Variants in OR10A3 observed in about 807,000 individuals in gnomAD.
OR10A3 encodes olfactory receptor family 10 subfamily A member 3, also known as olfactory receptor 10A3.
Under a neutral mutation model 1.5 loss-of-function variants are expected in OR10A3, and 1 was observed. That is an observed-to-expected ratio of 0.66 (90% CI 0.23 to 3.11). OR10A3 has a LOEUF of 3.11. OR10A3 is among the 30% of genes most tolerant of loss of function. The pLI is 0.21. For missense variants in OR10A3, 398 were observed against 369.7 expected (o/e 1.08, Z -0.63); for synonymous variants, 145 against 143.7 (o/e 1.01, Z -0.06).
In OR10A3 at chr11:7,938,392, A is replaced by G; in HGVS notation, c.*184T>C. ...GATGAATAAACTGTTGTGTCATGTT[A>G]TGAGAACATATGTATCTACTAAAAA... is the stretch of plus-strand genomic sequence containing the variant. On this transcript the variant is annotated 3_prime_UTR_variant, in exon 2 of 2. Transcript: ENST00000642047. 1.8e-6 allele frequency: 1 copy of G among 556,790 alleles called. No homozygotes were observed. The highest frequency in any genetic ancestry group is 1.9e-5 in the African/African-American group (1 of 53,152). The allele number at this position is 556,790 out of a possible 1,614,324, so 34.5% of individuals were successfully genotyped here.
chr11:7,940,861 A>G (rs1282287389), intron 1 of OR10A3, among the ~76,000 whole-genome samples: 6 of 152,116 alleles, frequency 3.9e-5, no homozygotes, highest in Non-Finnish European at 5.9e-5. Context: ...TCCAAACTGG[A>G]CTTTGTGTGA....
In OR10A3 at chr11:7,939,587, A is replaced by G; in HGVS notation, c.-67T>C. The G allele has an allele frequency of 8.1e-7, 1 of 1,242,046 alleles. No individual in the cohort carries two copies. The highest frequency in any genetic ancestry group is 1.1e-6 in the Non-Finnish European group (1 of 900,546). The allele number at this position is 1,242,046 out of a possible 1,614,324, so 76.9% of individuals were successfully genotyped here. ...ATCGAGTATGAAGTCGTAATCCCAT[A>G]GCTGTGAGTTCAAGTCTGGAATTCT... On this transcript the variant is annotated 5_prime_UTR_variant, in exon 2 of 2. Coordinates refer to ENST00000642047, the MANE Select transcript of OR10A3 (RefSeq NM_001003745.2).
Position 7,938,478 on chromosome 11 carries a change from A to G in OR10A3, c.*98T>C. 4.4e-6 allele frequency: 4 copies of G among 908,326 alleles called. No homozygotes were observed. The highest frequency in any genetic ancestry group is 5.0e-6 in the Non-Finnish European group (3 of 605,288). 56.3% of individuals were successfully genotyped at this position (908,326 alleles called of 1,614,324 possible). A position where few individuals can be genotyped will look rare whatever the true frequency, so the allele number is the denominator to read the frequency against. ...CAATAAAAAAACTCAACAAACTTAC[A>G]TAGTCATACAAAAAATGCAGTCTGT... On this transcript the variant is annotated 3_prime_UTR_variant, in exon 2 of 2. Coordinates refer to ENST00000642047, the MANE Select transcript of OR10A3 (RefSeq NM_001003745.2).
Position 7,939,248 on chromosome 11 carries a change from C to T in OR10A3, c.273G>A (p.Met91Ile). 2 of 1,614,214 alleles carry T rather than the reference C, an allele frequency of 1.2e-6. No homozygotes were observed. The highest frequency in any genetic ancestry group is 2.2e-5 in the South Asian group (2 of 91,088). ...MLVVLSTEKTMISFVGCFAQM... is the reference protein window; with the variant it reads ...MLVVLSTEKTIISFVGCFAQM... The stretch of plus-strand genomic sequence containing the variant: ...GTGCAAAACAGCCCACAAAAGAAAT[C>T]ATAGTTTTCTCAGTAGAGAGCACCA... The change falls in exon 2 of 2, where the codon ATG (methionine) becomes ATA (isoleucine). Residue 91 changes from methionine to isoleucine, a missense_variant. By Grantham distance (10) the Met-to-Ile change is conservative (BLOSUM62 1). Transcript: ENST00000642047.
At chr11:7,940,290 C>A (rs538958954) in intron 1 of OR10A3, among the ~76,000 whole-genome samples, 1 of 152,146 alleles carries the variant, frequency 6.6e-6, no homozygotes, top group Non-Finnish European at 1.5e-5. Context: ...AATCCAACTG[C>A]CCCTCCAGAG....
chr11:7,939,635 C>A lies in OR10A3; in HGVS notation c.-115G>T, dbSNP rs1265407136. 5 of 737,726 alleles carry A rather than the reference C, an allele frequency of 6.8e-6. No homozygotes were observed. The allele number at this position is 737,726 out of a possible 1,614,324, so 45.7% of individuals were successfully genotyped here. A position where few individuals can be genotyped will look rare whatever the true frequency, so the allele number is the denominator to read the frequency against. On this transcript the variant is annotated 5_prime_UTR_variant, in exon 2 of 2. Transcript: ENST00000642047. Reference sequence around the variant, plus strand: ...TCTTGACAGCAGATGTAATGACAAGCTCATTTTGACAGAACTTCAGGTTGG... The same window carrying A: ...TCTTGACAGCAGATGTAATGACAAGATCATTTTGACAGAACTTCAGGTTGG...
chr11:7,938,389 G>A lies in OR10A3; in HGVS notation c.*187C>T. 1.8e-6 allele frequency: 1 copy of A among 542,922 alleles called. No individual in the cohort carries two copies. The highest frequency in any genetic ancestry group is 3.2e-6 in the Non-Finnish European group (1 of 309,920). 33.6% of individuals were successfully genotyped at this position (542,922 alleles called of 1,614,324 possible). On this transcript the variant is annotated 3_prime_UTR_variant, in exon 2 of 2. Transcript: ENST00000642047. ...ATGGATGAATAAACTGTTGTGTCAT[G>A]TTATGAGAACATATGTATCTACTAA...
Position 7,938,680 on chromosome 11 carries a change from G to A in OR10A3, c.841C>T (p.Leu281Phe). The change falls in exon 2 of 2, where the codon CTT (leucine) becomes TTT (phenylalanine). Residue 281 changes from leucine (L) to phenylalanine (F), a missense_variant. By Grantham distance (22) the Leu-to-Phe change is conservative (BLOSUM62 0). Coordinates refer to ENST00000642047, the MANE Select transcript of OR10A3 (RefSeq NM_001003745.2). ...ATGAGCGGATTGAGCAGAGGGGTAA[G>A]CAACGTGTAAGCCAATGAGATCAGT... ...KKLISLAYTL[L>F]TPLLNPLIYS... 1 of 1,614,198 alleles carries A rather than the reference G, an allele frequency of 6.2e-7. No individual in the cohort carries two copies. The highest frequency in any genetic ancestry group is 1.1e-5 in the South Asian group (1 of 91,086).
Position 7,939,504 on chromosome 11 carries a change from T to G in OR10A3, c.17A>C (p.Gln6Pro). The G allele has an allele frequency of 6.4e-7, 1 of 1,565,370 alleles. No individual in the cohort carries two copies. The highest frequency in any genetic ancestry group is 1.2e-5 in the South Asian group (1 of 81,826). The change falls in exon 2 of 2, where the codon CAA (glutamine) becomes CCA (proline). Residue 6 changes from glutamine (Q) to proline (P), a missense_variant. Transcript: ENST00000642047. MKRQN[Q>P]SCVVEFILLG... ...GAGGATGAATTCAACCACACAGCTT[T>G]GATTTTGTCTTTTCATTTCAGTAGT...
intron 1 of OR10A3, 49 bp downstream of exon 1, chr11:7,941,538 T>C (rs773020025): frequency 1.2e-4 from 19 of 152,200 alleles, no homozygotes; most frequent in Non-Finnish European, 2.1e-4. Context: ...ATCTAATTAC[T>C]GTCGAACTTT....
intron 1 of OR10A3, among the ~76,000 whole-genome samples, 165 bp downstream of exon 1, chr11:7,941,422 G>C (rs1353678763): frequency 1.3e-5 from 2 of 152,054 alleles, no homozygotes. Flanking sequence ...CCTCATCAGG[G>C]TTTCATCTTT....
rs1353263800 is a variant in OR10A3, at chr11:7,938,806, A to T, written c.715T>A (p.Ser239Thr). ...GATGTGAGGTGAGAGGCACAGGTGG[A>T]AAAGGCCTTTTGTCTCCCAGTAGTT... is the stretch of plus-strand genomic sequence containing the variant. ...PSTTGRQKAF[S>T]TCASHLTSVT... is the part of the protein sequence containing the mutation. The change falls in exon 2 of 2, where the codon TCC (serine) becomes ACC (threonine). Residue 239 changes from serine to threonine, a missense_variant. Ser to Thr is a moderately conservative substitution (Grantham distance 58). Transcript: ENST00000642047. 1.2e-6 allele frequency: 2 copies of T among 1,614,060 alleles called. No individual in the cohort carries two copies. Among genetic ancestry groups the T allele is most frequent in the Non-Finnish European group, 1.7e-6 (2 of 1,180,034 alleles).
In OR10A3 at chr11:7,939,576, C is replaced by T. The variant is rs1029742040; in HGVS notation, c.-56G>A. 19 of 1,351,872 alleles carry T rather than the reference C, an allele frequency of 1.4e-5. No homozygotes were observed. The highest frequency in any genetic ancestry group is 7.4e-5 in the African/African-American group (5 of 67,998). The allele number at this position is 1,351,872 out of a possible 1,614,324, so 83.7% of individuals were successfully genotyped here. A position where few individuals can be genotyped will look rare whatever the true frequency, so the allele number is the denominator to read the frequency against. On this transcript the variant is annotated 5_prime_UTR_variant, in exon 2 of 2. Transcript: ENST00000642047. The stretch of plus-strand genomic sequence containing the variant: ...GGACCTGGTATATCGAGTATGAAGT[C>T]GTAATCCCATAGCTGTGAGTTCAAG...
rs1402810212 is a variant in OR10A3, at chr11:7,937,370, A to G, written c.*1206T>C. On this transcript the variant is annotated 3_prime_UTR_variant, in exon 2 of 2. Coordinates refer to ENST00000642047, the MANE Select transcript of OR10A3 (RefSeq NM_001003745.2). ...GTAACCTGGGAAGATAGGTGACCGGATATCTTGTAGCTATCTATTTAGGAA... is the reference window on the plus strand; with the variant it reads ...GTAACCTGGGAAGATAGGTGACCGGGTATCTTGTAGCTATCTATTTAGGAA... 6.6e-6 allele frequency: 1 copy of G among 152,196 alleles called. No individual in the cohort carries two copies. Among genetic ancestry groups the G allele is most frequent in the Non-Finnish European group, 1.5e-5 (1 of 68,036 alleles). The allele number at this position is 152,196 out of a possible 1,614,324, so 9.4% of individuals were successfully genotyped here.
chr11:7,938,733 T>G lies in OR10A3; in HGVS notation c.788A>C (p.Lys263Thr). ...GTANMTYLQP[K>T]SGYSPETKKL... ...CTTGGTTTCGGGTGAGTAGCCAGAT[T>G]TGGGTTGTAAATAAGTCATATTGGC... The change falls in exon 2 of 2, where the codon AAA (lysine) becomes ACA (threonine). Residue 263 changes from lysine to threonine, a missense_variant. By Grantham distance (78) the Lys-to-Thr change is moderately conservative. Transcript: ENST00000642047. 1 of 1,614,096 alleles carries G rather than the reference T, an allele frequency of 6.2e-7. No individual in the cohort carries two copies. Among genetic ancestry groups the G allele is most frequent in the Non-Finnish European group, 8.5e-7 (1 of 1,180,024 alleles).
rs1409463803 is a variant in OR10A3, at chr11:7,937,877, A to C, written c.*699T>G. ...TCATTTTGAAAAGTAATTCTGCAAT[A>C]GCTAATAAAATTTGTAAACACAGAT... On this transcript the variant is annotated 3_prime_UTR_variant, in exon 2 of 2. Transcript: ENST00000642047. The C allele has an allele frequency of 1.3e-5, 2 of 152,264 alleles. No individual in the cohort carries two copies. Among genetic ancestry groups the C allele is most frequent in the African/African-American group, 4.8e-5 (2 of 41,474 alleles). 9.4% of individuals were successfully genotyped at this position (152,264 alleles called of 1,614,324 possible).
chr11:7,939,725 G>A, intron 1 of OR10A3, 27 bp from the exon 2 acceptor site: 4 of 446,758 alleles, frequency 9.0e-6, no homozygotes, highest in Non-Finnish European at 1.6e-5. Context: ...AAGAAGTGAA[G>A]TATTTTGGTT....
rs1369034150 is a variant in OR10A3, at chr11:7,938,994, T to C, written c.527A>G (p.His176Arg). Residue 176 changes from histidine (H) to arginine (R), a missense_variant, in exon 2 of 2, where the codon CAT becomes CGT. Physicochemically the swap from His to Arg is conservative, Grantham distance 29. Coordinates refer to ENST00000642047, the MANE Select transcript of OR10A3 (RefSeq NM_001003745.2). ...TACCGGGGGAGTCTCACAGAAGAGA[T>C]GATTAATTTCATTGGGGCCACAAAA... is the stretch of plus-strand genomic sequence containing the variant. Reference protein sequence around the residue: ...FPFCGPNEINHLFCETPPVLE... With the variant: ...FPFCGPNEINRLFCETPPVLE... 3 of 1,614,188 alleles carry C rather than the reference T, an allele frequency of 1.9e-6. No individual in the cohort carries two copies. In the East Asian group the frequency reaches 6.7e-5, roughly 36 times the overall value.
In OR10A3 at chr11:7,939,424, C is replaced by A. The variant is rs1419694785; in HGVS notation, c.97G>T (p.Val33Phe). 3 of 1,613,674 alleles carry A rather than the reference C, an allele frequency of 1.9e-6. No homozygotes were observed. Among genetic ancestry groups the A allele is most frequent in the Non-Finnish European group, 2.5e-6 (3 of 1,179,926 alleles). The change falls in exon 2 of 2, where the codon GTT becomes TTT. Residue 33 changes from valine (V) to phenylalanine (F), a missense_variant. Coordinates refer to ENST00000642047, the MANE Select transcript of OR10A3 (RefSeq NM_001003745.2). ...LQVQLFGVFL[V>F]IYVVTLMGNA... ...CCCATCAGGGTCACCACATAAATAA[C>A]TAGGAAAACCCCAAAGAGCTGCACC... is the stretch of plus-strand genomic sequence containing the variant.
Sources: gnomAD v4.1 joint callset for allele counts (sites outside exome capture counted in the v4.1 genomes callset) on GRCh38, gnomAD v4.1.1 for gene constraint, MANE v1.5 for transcripts, NCBI Gene and HGNC (gene_info 2026-07-23, HGNC 2026-07-21) for gene names.